Variants in TEX14 observed in about 807,000 individuals in gnomAD.
TEX14 encodes the protein testis expressed 14, intercellular bridge forming factor.
In TEX14, 168 loss-of-function variants were observed where a neutral mutation model predicts 178.6. The ratio of observed to expected loss-of-function variants is 0.94; its 90% confidence interval spans 0.83 to 1.07. The LOEUF is 1.07. TEX14 is among the 50% of genes least tolerant of loss of function. The pLI is 0.00. For missense variants in TEX14, 1,730 were observed against 1,753.6 expected, an observed-to-expected ratio of 0.99 and a Z score of 0.24; for synonymous variants, 626 against 634.1, an observed-to-expected ratio of 0.99 and a Z score of 0.19.
chr17:58,659,368 T>C (rs2047059466), intron 1 of TEX14: 1 of 979,968 alleles, frequency 1.0e-6, no homozygotes, highest in Non-Finnish European at 1.2e-6. Flanking sequence ...TCATGGCAAA[T>C]TGTATTATGA....
At chr17:58,589,986 G>A (rs1369893467) in intron 15 of TEX14, among the ~76,000 whole-genome samples, 1 of 152,174 alleles carries the variant, frequency 6.6e-6, no homozygotes, top group Non-Finnish European at 1.5e-5. Context: ...AGATTGGCCA[G>A]GCGTGGTGGC....
At chr17:58,678,594 T>C (rs1240477064) in intron 1 of TEX14, among the ~76,000 whole-genome samples, 1 of 152,160 alleles carries the variant, frequency 6.6e-6, no homozygotes, top group South Asian at 2.1e-4. Context: ...AAACACCGTA[T>C]GTTCTCACTC....
In TEX14 at chr17:58,617,549, C is replaced by A. The variant is rs376496072; in HGVS notation, c.625G>T (p.Gly209Cys). Reference sequence around the variant, plus strand: ...TGGCAACCTCTTACCTTCCCAAAACCAAAGCTGTAGATATTTTGAGCAGAA... The same window carrying A: ...TGGCAACCTCTTACCTTCCCAAAACAAAAGCTGTAGATATTTTGAGCAGAA... ...VISAQNIYSF[G>C]FGKFYLTGAT... The change falls in exon 6 of 32, where the codon GGT (glycine) becomes TGT (cysteine). Residue 209 changes from glycine (G) to cysteine (C), a missense_variant. This residue lies in a region of TEX14 where 789 missense variants were observed against 681.2 expected (regional missense o/e 1.16). Transcript: ENST00000349033. 26 of 1,613,298 alleles carry A rather than the reference C, an allele frequency of 1.6e-5. No individual in the cohort carries two copies. Among genetic ancestry groups the A allele is most frequent in the Non-Finnish European group, 2.2e-5 (26 of 1,179,630 alleles).
At chr17:58,677,016 G>C (rs932135943) in intron 1 of TEX14, among the ~76,000 whole-genome samples, 2 of 151,334 alleles carry the variant, frequency 1.3e-5, no homozygotes, top group Non-Finnish European at 2.9e-5. Flanking sequence ...CTACTCAGGA[G>C]GCTGAGGCAG....
intron 28 of TEX14, among the ~76,000 whole-genome samples, chr17:58,562,319 G>A (rs2044288988): frequency 6.6e-6 from 1 of 152,096 alleles, no homozygotes; most frequent in Non-Finnish European, 1.5e-5. Flanking sequence ...TTTTAAGAAT[G>A]CCTGAAAGTC....
At chr17:58,659,505 C>A (rs1470674702) in intron 1 of TEX14, among the ~76,000 whole-genome samples, 1 of 152,192 alleles carries the variant, frequency 6.6e-6, no homozygotes, top group South Asian at 2.1e-4. Context: ...ATCACTGCGC[C>A]CCTATCTACA....
chr17:58,657,580 T>A (rs919738060), intron 1 of TEX14, among the ~76,000 whole-genome samples: 2 of 135,396 alleles, frequency 1.5e-5, no homozygotes, highest in African/African-American at 5.5e-5. Flanking sequence ...AGTTGTGGAA[T>A]CTCGGCTCAC....
chr17:58,655,733 G>A (rs766961167), intron 1 of TEX14, among the ~76,000 whole-genome samples: 6 of 152,268 alleles, frequency 3.9e-5, no homozygotes, highest in Admixed American at 1.3e-4. Context: ...TCGGCACCCC[G>A]AGACGAGCCC....
At chr17:58,572,265 C>CAAAT (rs954005111) in intron 23 of TEX14, 139 bp from the exon 24 acceptor site, 48 of 598,174 alleles carry the variant, frequency 8.0e-5, no homozygotes, top group Non-Finnish European at 1.1e-4. Context: ...AACAAACAAA[C>CAAAT]AAACAAACAA....
chr17:58,613,263 C>G lies in TEX14; in HGVS notation c.1005+158G>C, dbSNP rs1173876476. Among the ~76,000 whole-genome samples the G allele has an allele frequency of 4.0e-5, 6 of 151,794 alleles. No homozygotes were observed. The East Asian group carries it at 1.2e-3, about 29-fold the overall frequency. On this transcript the variant is annotated intron_variant, in intron 9 of 31. Transcript: ENST00000349033. ...CTAATTCTGACCATGTGCTTATCAG[C>G]CTTAAATAGCATGTTATACAGCCCC...
chr17:58,647,677 A>G (rs925561267), intron 2 of TEX14, among the ~76,000 whole-genome samples: 2 of 151,004 alleles, frequency 1.3e-5, no homozygotes, highest in African/African-American at 4.9e-5. Flanking sequence ...ACAAATTCCA[A>G]TTTCTTTCTT....
Position 58,565,732 on chromosome 17 carries a change from A to G in TEX14, c.3964+15T>C. On this transcript the variant is annotated intron_variant, in intron 27 of 31. Transcript: ENST00000349033. ...TAAAAGAACCTGATGAAAACAATCT[A>G]GGTAGTTCACTTACCATTTGCAGTG... 6.3e-7 allele frequency: 1 copy of G among 1,590,914 alleles called. No individual in the cohort carries two copies. The highest frequency in any genetic ancestry group is 8.6e-7 in the Non-Finnish European group (1 of 1,162,828).
intron 1 of TEX14, chr17:58,661,496 G>A (rs1361348538): frequency 2.6e-6 from 2 of 781,158 alleles, no homozygotes; most frequent in African/African-American, 1.7e-5. Flanking sequence ...TCGGGAACCG[G>A]TGGGTTCAGT....
At chr17:58,577,983 C>T (rs970876870) in intron 20 of TEX14, among the ~76,000 whole-genome samples, 12 of 152,188 alleles carry the variant, frequency 7.9e-5, no homozygotes, top group Admixed American at 6.5e-5. Flanking sequence ...AGTTACTCCT[C>T]CCCAGTTCTC....
intron 2 of TEX14, among the ~76,000 whole-genome samples, chr17:58,635,466 G>A (rs375455953): frequency 3.7e-5 from 5 of 136,052 alleles, no homozygotes; most frequent in Non-Finnish European, 7.6e-5. Flanking sequence ...GTCTCACTCC[G>A]TAGCCCATGC....
At position 58,603,887 on chromosome 17, in the gene TEX14, C is replaced by CTGTGTGTGTGTGTG. The variant is rs71143257; in HGVS notation, c.1336+1077_1336+1090dup. On this transcript the variant is annotated intron_variant, in intron 11 of 31. Transcript: ENST00000349033. ...AAAAGCAGCCCTTAATGTGATTTTA[C>CTGTGTGTGTGTGTG]TGTGTGTGTGTGTGTGTGTGTGTGT... 2.9e-3 allele frequency among the ~76,000 whole-genome samples: 305 copies of CTGTGTGTGTGTGTG among 105,276 alleles called. 2 individuals carry two copies. The highest frequency in any genetic ancestry group is 0.01 in the East Asian group (26 of 2,496). 69.1% of individuals were successfully genotyped at this position (105,276 alleles called of 152,430 possible).
intron 1 of TEX14, among the ~76,000 whole-genome samples, chr17:58,669,862 T>C (rs2047276068): frequency 6.6e-6 from 1 of 152,022 alleles, no homozygotes; most frequent in South Asian, 2.1e-4. Context: ...TCTAATCTAA[T>C]GTTACTCCCT....
At chr17:58,617,425 G>C (rs2045897914) in intron 6 of TEX14, 113 bp downstream of exon 6, 2 of 736,122 alleles carry the variant, frequency 2.7e-6, no homozygotes, top group South Asian at 1.9e-5. Flanking sequence ...AAAAAGAAAA[G>C]AACAACACTT....
At chr17:58,560,118 C>T (rs748018677) in intron 29 of TEX14, among the ~76,000 whole-genome samples, 2 of 152,130 alleles carry the variant, frequency 1.3e-5, no homozygotes, top group Non-Finnish European at 2.9e-5. Flanking sequence ...TCCTTATAGG[C>T]GGCAGAGCCA....
Sources: gnomAD v4.1 joint callset for allele counts (sites outside exome capture counted in the v4.1 genomes callset) on GRCh38, gnomAD v4.1.1 for gene constraint, gnomAD v4.1.1 regional missense constraint, MANE v1.5 for transcripts, NCBI Gene and HGNC (gene_info 2026-07-23, HGNC 2026-07-21) for gene names.